MYOM2: variants seen among roughly 807,000 people sequenced by gnomAD.
MYOM2 encodes myomesin 2, also known as myomesin-2.
Under a neutral mutation model 187.6 loss-of-function variants are expected in MYOM2, and 254 were observed. The observed-to-expected ratio is 1.35, with a 90% CI of 1.22 to 1.50. The LOEUF is 1.50. MYOM2 is among the 40% of genes most tolerant of loss of function. The pLI is 0.00. For missense variants in MYOM2, 2,796 were observed against 1,924.0 expected, an observed-to-expected ratio of 1.45 and a Z score of -8.48; for synonymous variants, 981 against 753.8, an observed-to-expected ratio of 1.30 and a Z score of -4.94.
intron 28 of MYOM2, among the ~76,000 whole-genome samples, chr8:2,119,882 C>A (rs572113755): frequency 6.6e-6 from 1 of 151,054 alleles, no homozygotes; most frequent in Non-Finnish European, 1.5e-5. Flanking sequence ...AATGAGGGGG[C>A]GGGGGGGATG....
intron 3 of MYOM2, among the ~76,000 whole-genome samples, chr8:2,052,662 A>G (rs2129327567): frequency 6.6e-6 from 1 of 152,356 alleles, no homozygotes; most frequent in Admixed American, 6.5e-5. Context: ...AGCCAAGCTC[A>G]GTCCCTTTCC....
At chr8:2,113,128 G>A (rs185385135) in intron 25 of MYOM2, among the ~76,000 whole-genome samples, 1 of 152,340 alleles carries the variant, frequency 6.6e-6, no homozygotes, top group Non-Finnish European at 1.5e-5. Context: ...CGCTGGGCAC[G>A]AGGAAGCCGA....
chr8:2,085,538 C>T lies in MYOM2; in HGVS notation c.1644+148C>T, dbSNP rs878855765. 2.7e-3 allele frequency: 872 copies of T among 327,824 alleles called. 26 individuals carry two copies. Among genetic ancestry groups the T allele is most frequent in the African/African-American group, 4.2e-3 (68 of 16,252 alleles). 20.3% of individuals were successfully genotyped at this position (327,824 alleles called of 1,614,324 possible). A position where few individuals can be genotyped will look rare whatever the true frequency, so the allele number is the denominator to read the frequency against. On this transcript the variant is annotated intron_variant, in intron 14 of 36. Transcript: ENST00000262113. ...TGGCCCCCCACTGTTGTGATCTCTG[C>T]GTGGCCCCACTGTCATGATCTCTGC...
At chr8:2,099,430 A>T (rs185650147) in intron 19 of MYOM2, among the ~76,000 whole-genome samples, 221 of 151,188 alleles carry the variant, frequency 1.5e-3, no homozygotes, top group African/African-American at 4.8e-3. Context: ...TAGCTCCTGC[A>T]GTCCTCTCAG....
intron 3 of MYOM2, among the ~76,000 whole-genome samples, chr8:2,055,247 A>G (rs949050230): frequency 6.6e-5 from 10 of 152,178 alleles, no homozygotes; most frequent in African/African-American, 2.4e-4. Flanking sequence ...GTCATTCAAC[A>G]TGCACATGCA....
intron 1 of MYOM2, among the ~76,000 whole-genome samples, chr8:2,048,709 C>G (rs1439756376): frequency 6.6e-6 from 1 of 152,188 alleles, no homozygotes; most frequent in Admixed American, 6.5e-5. Context: ...GACCTCTGCA[C>G]TATGATACTG....
intron 14 of MYOM2, among the ~76,000 whole-genome samples, chr8:2,087,714 A>C (rs1407664821): frequency 6.6e-6 from 1 of 152,236 alleles, no homozygotes; most frequent in Non-Finnish European, 1.5e-5. Context: ...GGGCTCCAGC[A>C]GTCCTTCTGC....
At chr8:2,067,783 C>A (rs943754371) in intron 6 of MYOM2, among the ~76,000 whole-genome samples, 17 of 152,056 alleles carry the variant, frequency 1.1e-4, no homozygotes, top group Admixed American at 1.1e-3. Flanking sequence ...CAGGGATAAA[C>A]ACACATCAGT....
At chr8:2,068,072 C>G (rs555381946) in intron 6 of MYOM2, among the ~76,000 whole-genome samples, 1 of 152,280 alleles carries the variant, frequency 6.6e-6, no homozygotes, top group African/African-American at 2.4e-5. Flanking sequence ...GGATTCTCAT[C>G]CCAGGGGCAT....
intron 3 of MYOM2, among the ~76,000 whole-genome samples, chr8:2,053,992 G>A (rs1030873577): frequency 2.0e-5 from 3 of 152,178 alleles, no homozygotes; most frequent in Middle Eastern, 6.3e-3. Flanking sequence ...TGTGAAGCCT[G>A]CTCTATCACC....
At chr8:2,133,873 G>C (rs72507660) in intron 32 of MYOM2, among the ~76,000 whole-genome samples, 1 of 151,874 alleles carries the variant, frequency 6.6e-6, no homozygotes, top group African/African-American at 2.4e-5. Context: ...TTTCTAAATC[G>C]TTCACTGTGA....
At chr8:2,057,893 G>A in intron 5 of MYOM2, 113 bp downstream of exon 5, 2 of 1,058,358 alleles carry the variant, frequency 1.9e-6, no homozygotes, top group Non-Finnish European at 2.7e-6. Flanking sequence ...CACTTACCTT[G>A]AAACTCTAAG....
intron 13 of MYOM2, chr8:2,082,250 T>C (rs1287087953): frequency 6.6e-6 from 1 of 152,232 alleles, no homozygotes; most frequent in Non-Finnish European, 1.5e-5. Flanking sequence ...CCTCAGCCAT[T>C]TTAAACAAGG....
At chr8:2,132,870 G>T (rs1797924135) in intron 32 of MYOM2, among the ~76,000 whole-genome samples, 1 of 152,172 alleles carries the variant, frequency 6.6e-6, no homozygotes, top group African/African-American at 2.4e-5. Flanking sequence ...GGGAGGAGAG[G>T]TGGCTGCCTG....
intron 28 of MYOM2, 90 bp downstream of exon 28, chr8:2,118,042 G>C: frequency 8.8e-7 from 1 of 1,139,234 alleles, no homozygotes; most frequent in East Asian, 2.4e-5. Flanking sequence ...GGCCAGATCT[G>C]TGATGCTGGT....
At position 2,115,911 on chromosome 8, in the gene MYOM2, A is replaced by T. The variant is rs769715485; in HGVS notation, c.3181-49A>T. The T allele has an allele frequency of 2.1e-5, 33 of 1,585,048 alleles. No individual in the cohort carries two copies. In the Admixed American group the frequency reaches 5.7e-4, roughly 28 times the overall value. ...TTGTTAAATGTTGCAAGGGAAAACT[A>T]GGAGAGATTTCCTTGTATAATTCTC... On this transcript the variant is annotated intron_variant, in intron 25 of 36. Transcript: ENST00000262113.
At chr8:2,143,515 C>T (rs1390148017) in intron 36 of MYOM2, 59 bp downstream of exon 36, 1 of 1,601,794 alleles carries the variant, frequency 6.2e-7, no homozygotes. Flanking sequence ...GGACGCAACC[C>T]CTTCTCTTGG....
intron 35 of MYOM2, among the ~76,000 whole-genome samples, chr8:2,143,122 A>C (rs1396933048): frequency 6.6e-6 from 1 of 151,908 alleles, no homozygotes; most frequent in Non-Finnish European, 1.5e-5. Context: ...GTCCTCGGTG[A>C]ATTCTTCACC....
Position 2,055,007 on chromosome 8 carries a change from C to G in MYOM2, c.264-2341C>G, listed in dbSNP as rs182473096. Among the ~76,000 whole-genome samples, 234 of 40,692 alleles carry G rather than the reference C, an allele frequency of 5.8e-3. 5 individuals carry two copies. Among genetic ancestry groups the G allele is most frequent in the African/African-American group, 0.016 (232 of 14,620 alleles). The allele number at this position is 40,692 out of a possible 152,430, so 26.7% of individuals were successfully genotyped here. A position where few individuals can be genotyped will look rare whatever the true frequency, so the allele number is the denominator to read the frequency against. ...ACTGGGGGGACGAAGTACCTGGATA[C>G]TGGGGAACCAAGTACCTGGATACTG... On this transcript the variant is annotated intron_variant, in intron 3 of 36. Transcript: ENST00000262113.
Sources: gnomAD v4.1 joint callset for allele counts (sites outside exome capture counted in the v4.1 genomes callset) on GRCh38, gnomAD v4.1.1 for gene constraint, MANE v1.5 for transcripts, NCBI Gene and HGNC (gene_info 2026-07-23, HGNC 2026-07-21) for gene names.